Variants in ZNF454 observed in about 807,000 individuals in gnomAD.
The protein encoded by ZNF454 is zinc finger protein 454.
A neutral mutation model predicts 48.2 loss-of-function variants in ZNF454; 30 were observed. That is an observed-to-expected ratio of 0.62 (90% CI 0.47 to 0.84). The LOEUF is 0.84. ZNF454 is among the 40% of genes least tolerant of loss of function. The pLI is 0.00. For missense variants in ZNF454, 510 were observed against 623.1 expected (o/e 0.82, Z 1.93); for synonymous variants, 204 against 211.4 (o/e 0.97, Z 0.30).
At position 178,945,965 on chromosome 5, in the gene ZNF454, G is replaced by C. The variant is rs146773418; in HGVS notation, c.34-394G>C. On this transcript the variant is annotated intron_variant, in intron 2 of 4. Coordinates refer to ENST00000519564, the MANE Select transcript of ZNF454 (RefSeq NM_001178089.3). ...GCAACTGTAGGAGCCATCAGGGAAG[G>C]CTGCGCTGAGCGAGCGGTGTTGAGT... Among the ~76,000 whole-genome samples, 198 of 152,212 alleles carry C rather than the reference G, an allele frequency of 1.3e-3. 1 individual carries two copies. In the East Asian group the frequency reaches 0.019, roughly 15 times the overall value.
At chr5:178,985,416 A>C in the ZNF454 span, 1 of 364,632 alleles carries the variant, frequency 2.7e-6, no homozygotes, top group Non-Finnish European at 5.3e-6. Flanking sequence ...AAAAAAAAAA[A>C]AAACTCACTG....
chr5:178,963,617 G>A, intron 4 of ZNF454, among the ~76,000 whole-genome samples: 1 of 151,648 alleles, frequency 6.6e-6, no homozygotes, highest in East Asian at 2.0e-4. Flanking sequence ...GCCCTCTCCT[G>A]TTTGCCCTGA....
chr5:178,941,274 G>A lies in ZNF454; in HGVS notation c.-278G>A. 2 of 406,172 alleles carry A rather than the reference G, an allele frequency of 4.9e-6. No homozygotes were observed. The highest frequency in any genetic ancestry group is 3.6e-5 in the South Asian group (2 of 56,296). The allele number at this position is 406,172 out of a possible 1,614,324, so 25.2% of individuals were successfully genotyped here. ...TTGCGATCTCTCGCCGCCGGCAGAGGCTCCTCGAAGAGCGACACGGGGCTG... is the reference window on the plus strand; with the variant it reads ...TTGCGATCTCTCGCCGCCGGCAGAGACTCCTCGAAGAGCGACACGGGGCTG... On this transcript the variant is annotated 5_prime_UTR_variant, in exon 1 of 5. Transcript: ENST00000519564. The surrounding 1 kb of genome is among the most constrained non-coding windows in gnomAD (Gnocchi z 5.5).
At chr5:178,985,622 G>A in the ZNF454 span, 28 of 362,488 alleles carry the variant, frequency 7.7e-5, no homozygotes, top group Non-Finnish European at 1.3e-4. Context: ...AGAATGGCGT[G>A]AACCCGGAAG....
the ZNF454 span, chr5:178,978,687 A>C: frequency 6.6e-6 from 1 of 152,236 alleles, no homozygotes; most frequent in African/African-American, 2.4e-5. Context: ...ATAAGCCTCC[A>C]ACCCAGAACT....
chr5:178,971,109 T>C (rs976982362), downstream of ZNF454, among the ~76,000 whole-genome samples: 1 of 152,234 alleles, frequency 6.6e-6, no homozygotes, highest in African/African-American at 2.4e-5. Flanking sequence ...CATCCTGTTT[T>C]GTATTGTTAT....
At chr5:178,987,103 G>A in the ZNF454 span, 4 of 1,046,284 alleles carry the variant, frequency 3.8e-6, no homozygotes, top group African/African-American at 6.3e-5. Context: ...GCTCATAAGG[G>A]ACGTGCAAAT....
the ZNF454 span, chr5:178,986,839 T>C: frequency 6.2e-7 from 1 of 1,613,750 alleles, no homozygotes. Flanking sequence ...CACACTCACA[T>C]CCAGTCTGAG....
Position 178,949,952 on chromosome 5 carries a change from A to C in ZNF454, c.250+2966A>C, listed in dbSNP as rs571705588. 5.3e-5 allele frequency among the ~76,000 whole-genome samples: 8 copies of C among 152,026 alleles called. No homozygotes were observed. The East Asian group carries it at 5.8e-4, about 11-fold the overall frequency. The stretch of plus-strand genomic sequence containing the variant: ...TTAATGACTGGCTAAGACATCAAAG[A>C]CCATAGAGAGCAATGATAATAGGTT... On this transcript the variant is annotated intron_variant, in intron 4 of 4. Transcript: ENST00000519564.
intron 2 of ZNF454, among the ~76,000 whole-genome samples, chr5:178,945,220 G>A (rs2113181523): frequency 6.6e-6 from 1 of 151,602 alleles, no homozygotes; most frequent in East Asian, 2.0e-4. Flanking sequence ...GTGTTTGTGT[G>A]TGTGTCTCTG....
the ZNF454 span, among the ~76,000 whole-genome samples, chr5:178,974,059 G>A: frequency 2.0e-5 from 3 of 152,106 alleles, no homozygotes; most frequent in Non-Finnish European, 4.4e-5. Flanking sequence ...GATTTATTAG[G>A]AAAGAGGTTT....
chr5:178,952,796 A>G (rs1759610950), intron 4 of ZNF454, among the ~76,000 whole-genome samples: 1 of 151,652 alleles, frequency 6.6e-6, no homozygotes, highest in Admixed American at 6.6e-5. Context: ...CTTTTATTAG[A>G]CTTTTAAATG....
At chr5:178,974,287 T>C in the ZNF454 span, among the ~76,000 whole-genome samples, 1 of 146,530 alleles carries the variant, frequency 6.8e-6, no homozygotes, top group Non-Finnish European at 1.5e-5. Flanking sequence ...GCCTTTCTAG[T>C]GGTTGTTGTG....
At chr5:178,989,720 T>C in the ZNF454 span, 55 of 452,488 alleles carry the variant, frequency 1.2e-4, no homozygotes, top group Admixed American at 3.8e-4. Context: ...TGAAAGACTT[T>C]TATCCCTGCT....
chr5:178,984,301 T>C, the ZNF454 span, among the ~76,000 whole-genome samples: 2 of 149,360 alleles, frequency 1.3e-5, no homozygotes, highest in Non-Finnish European at 3.0e-5. Flanking sequence ...CACGCCTCAC[T>C]CGGAACGGAC....
chr5:178,960,277 A>G (rs1323706751), intron 4 of ZNF454, among the ~76,000 whole-genome samples: 3 of 146,024 alleles, frequency 2.1e-5, no homozygotes, highest in Non-Finnish European at 4.5e-5. Flanking sequence ...TTTTTTTTGA[A>G]ACGTAGTTTC....
chr5:178,954,737 G>A (rs959455832), intron 4 of ZNF454, among the ~76,000 whole-genome samples: 8 of 152,156 alleles, frequency 5.3e-5, no homozygotes, highest in African/African-American at 1.7e-4. Flanking sequence ...TGCCCACAGG[G>A]CCTGGCAGCG....
chr5:178,989,808 T>TAAG, the ZNF454 span: 19 of 322,034 alleles, frequency 5.9e-5, no homozygotes, highest in African/African-American at 4.1e-4. Context: ...TATGAGACCA[T>TAAG]AAGCAGGAAG....
the ZNF454 span, among the ~76,000 whole-genome samples, chr5:178,971,881 C>T: frequency 6.6e-6 from 1 of 151,570 alleles, no homozygotes; most frequent in African/African-American, 2.4e-5. Context: ...ACTGGCCAGC[C>T]CCAGGAAGGG....
Sources: gnomAD v4.1 joint callset for allele counts (sites outside exome capture counted in the v4.1 genomes callset) on GRCh38, gnomAD v4.1.1 for gene constraint, Gnocchi (gnomAD v3.1) non-coding constraint, MANE v1.5 for transcripts, NCBI Gene and HGNC (gene_info 2026-07-23, HGNC 2026-07-21) for gene names.